DGCR2: variants seen among roughly 807,000 people sequenced by gnomAD.
DGCR2 encodes the protein integral membrane protein DGCR2/IDD.
Under a neutral mutation model 51.6 loss-of-function variants are expected in DGCR2, and 24 were observed. That is an observed-to-expected ratio of 0.47 (90% CI 0.34 to 0.65). The LOEUF (loss-of-function observed/expected upper bound fraction) is 0.65. Among genes scored for constraint, DGCR2 ranks in the 30% least tolerant of loss-of-function variants. The pLI is 0.01. For synonymous variants in DGCR2, 340 were observed against 315.4 expected, an observed-to-expected ratio of 1.08 and a Z score of -0.82; for missense variants, 765 against 772.1, an observed-to-expected ratio of 0.99 and a Z score of 0.11.
rs771454862 is a variant in DGCR2, at chr22:19,068,159, C to A, written c.269G>T (p.Arg90Ile). ...EAVDPRQGRA[R>I]GGDPSHFHAV... The stretch of plus-strand genomic sequence containing the variant: ...GTGGAAGTGCGAAGGGTCGCCTCCT[C>A]TGGCCCGCCCCTGCCGCGGATCCAC... The change falls in exon 3 of 10, where the codon AGA becomes ATA. Residue 90 changes from arginine (R) to isoleucine (I), a missense_variant. Physicochemically the swap from Arg to Ile is moderately conservative, Grantham distance 97 (BLOSUM62 -3). This residue lies in a region of DGCR2 where 370 missense variants were observed against 325.5 expected (regional missense o/e 1.14). Transcript: ENST00000263196. 6.2e-7 allele frequency: 1 copy of A among 1,611,510 alleles called. No individual in the cohort carries two copies. The highest frequency in any genetic ancestry group is 1.1e-5 in the South Asian group (1 of 90,854).
chr22:19,083,205 C>T (rs1156424217), intron 2 of DGCR2, among the ~76,000 whole-genome samples: 1 of 152,190 alleles, frequency 6.6e-6, no homozygotes, highest in East Asian at 1.9e-4. Context: ...GATCCAACTG[C>T]ATCCTTCTCC....
intron 1 of DGCR2, among the ~76,000 whole-genome samples, chr22:19,092,356 A>AC (rs35077413): frequency 0.015 from 2,274 of 151,976 alleles, 14 homozygotes; most frequent in South Asian, 0.033. Flanking sequence ...AAAAAAAAAA[A>AC]TACTACTATC....
intron 1 of DGCR2, among the ~76,000 whole-genome samples, chr22:19,097,447 G>A (rs1434774265): frequency 6.6e-6 from 1 of 152,104 alleles, no homozygotes; most frequent in Non-Finnish European, 1.5e-5. Flanking sequence ...CAGCTACTCT[G>A]GAGGCTGAGG....
rs2082371748 is a variant in DGCR2 at position 19,036,601 on chromosome 22, G to A, written c.*2264C>T. 2 of 152,268 alleles carry A rather than the reference G, an allele frequency of 1.3e-5. No homozygotes were observed. The highest frequency in any genetic ancestry group is 4.8e-5 in the African/African-American group (2 of 41,422). 9.4% of individuals were successfully genotyped at this position (152,268 alleles called of 1,614,324 possible). The stretch of plus-strand genomic sequence containing the variant: ...TGCAAAGGGGGCATTCTGGATGGTG[G>A]TGCAAGAACAGATGAGCGAGTCCAG... On this transcript the variant is annotated 3_prime_UTR_variant, in exon 10 of 10. Transcript: ENST00000263196.
chr22:19,089,468 C>A lies in DGCR2; in HGVS notation c.102G>T (p.Gln34His). Residue 34 changes from glutamine to histidine, a missense_variant, in exon 2 of 10, where the codon CAG becomes CAT. Gln to His is a conservative substitution (Grantham distance 24). Coordinates refer to ENST00000263196, the MANE Select transcript of DGCR2 (RefSeq NM_005137.3). Reference protein sequence around the residue: ...LRPELRCNPGQFACRSGTIQC... With the variant: ...LRPELRCNPGHFACRSGTIQC... ...GGATGGTGCCGCTGCGACACGCAAACTGCCCAGGGTTGCACCGCAGCTCTG... is the reference window on the plus strand; with the variant it reads ...GGATGGTGCCGCTGCGACACGCAAAATGCCCAGGGTTGCACCGCAGCTCTG... 1 of 1,601,868 alleles carries A rather than the reference C, an allele frequency of 6.2e-7. No individual in the cohort carries two copies. The highest frequency in any genetic ancestry group is 8.5e-7 in the Non-Finnish European group (1 of 1,173,312).
At position 19,064,940 on chromosome 22, in the gene DGCR2, G is replaced by A. The variant is rs755776544; in HGVS notation, c.456C>T (p.Leu152=). ...GCTCCTGGTCAGTGGAGAAGGTGGCGAGAGAGCCATTCAGGCGCTGGCAGG... is the reference window on the plus strand; with the variant it reads ...GCTCCTGGTCAGTGGAGAAGGTGGCAAGAGAGCCATTCAGGCGCTGGCAGG... ...AQTCQRLNGS[L]ATFSTDQELR... The change falls in exon 4 of 10, where the codon CTC becomes CTT. Residue 152 remains leucine, a synonymous_variant. Coordinates refer to ENST00000263196, the MANE Select transcript of DGCR2 (RefSeq NM_005137.3). The A allele has an allele frequency of 7.4e-5, 120 of 1,613,880 alleles. No homozygotes were observed. Among genetic ancestry groups the A allele is most frequent in the Admixed American group, 1.3e-4 (8 of 60,014 alleles).
chr22:19,040,936 C>T (rs1359968529), intron 9 of DGCR2, 122 bp downstream of exon 9: 2 of 936,184 alleles, frequency 2.1e-6, no homozygotes, highest in African/African-American at 1.7e-5. Context: ...AAGGAAAAAC[C>T]AAAGACAAAG....
chr22:19,047,172 T>C (rs1244651435), intron 7 of DGCR2: 1 of 152,442 alleles, frequency 6.6e-6, no homozygotes, highest in African/African-American at 2.4e-5. Context: ...CTGGGTCCTC[T>C]GGTGGGCTTG....
intron 1 of DGCR2, among the ~76,000 whole-genome samples, chr22:19,116,977 C>T (rs2083379894): frequency 6.6e-6 from 1 of 150,724 alleles, no homozygotes; most frequent in African/African-American, 2.4e-5. Flanking sequence ...CACCTCCCAT[C>T]ACTGCTAAGA....
intron 2 of DGCR2, among the ~76,000 whole-genome samples, chr22:19,083,019 G>A (rs117621601): frequency 0.02 from 3,084 of 151,660 alleles, 50 homozygotes; most frequent in Non-Finnish European, 0.031. Context: ...CCCAGGAGGC[G>A]GAGGTTGCAG....
intron 7 of DGCR2, among the ~76,000 whole-genome samples, chr22:19,045,951 C>T (rs2082484857): frequency 6.6e-6 from 1 of 152,164 alleles, no homozygotes; most frequent in South Asian, 2.1e-4. Context: ...TGGTCACAAA[C>T]TCCTGATCTC....
intron 1 of DGCR2, among the ~76,000 whole-genome samples, chr22:19,111,338 C>G (rs1448859700): frequency 6.6e-6 from 1 of 152,178 alleles, no homozygotes; most frequent in Non-Finnish European, 1.5e-5. Flanking sequence ...AAAAGGTGCC[C>G]GGTTCTTAGG....
intron 6 of DGCR2, among the ~76,000 whole-genome samples, chr22:19,053,265 C>A (rs1286430577): frequency 6.6e-6 from 1 of 152,158 alleles, no homozygotes; most frequent in East Asian, 1.9e-4. Flanking sequence ...GGCTCAGATA[C>A]AGTTAGAACA....
chr22:19,058,407 C>T (rs552352957), intron 5 of DGCR2, among the ~76,000 whole-genome samples: 35 of 152,294 alleles, frequency 2.3e-4, no homozygotes, highest in African/African-American at 6.5e-4. Flanking sequence ...GTCACCTCCC[C>T]ATACCACCTG....
chr22:19,093,573 T>C (rs191628167), intron 1 of DGCR2, among the ~76,000 whole-genome samples: 50 of 152,310 alleles, frequency 3.3e-4, no homozygotes, highest in African/African-American at 1.1e-3. Flanking sequence ...AAAGACATGT[T>C]AAGATAATGC....
intron 7 of DGCR2, among the ~76,000 whole-genome samples, chr22:19,043,767 C>G (rs1053114001): frequency 6.6e-6 from 1 of 152,154 alleles, no homozygotes; most frequent in African/African-American, 2.4e-5. Context: ...TTCCCAGAGC[C>G]CTCAAGCCAT....
chr22:19,102,663 C>T (rs1392337266), intron 1 of DGCR2, among the ~76,000 whole-genome samples: 1 of 151,176 alleles, frequency 6.6e-6, no homozygotes, highest in East Asian at 2.0e-4. Context: ...GACTGCACCA[C>T]TGTACTCCAG....
chr22:19,039,868 A>T (rs1322837858), intron 9 of DGCR2, among the ~76,000 whole-genome samples: 1 of 151,468 alleles, frequency 6.6e-6, no homozygotes, highest in African/African-American at 2.4e-5. Flanking sequence ...TGTGCCCACT[A>T]TGCACGGCTA....
chr22:19,122,299 A>G lies in DGCR2; in HGVS notation c.-93T>C, dbSNP rs11550627. 0.43 allele frequency: 474,255 copies of G among 1,102,164 alleles called. 104,037 individuals carry two copies. The highest frequency in any genetic ancestry group is 0.59 in the African/African-American group (35,216 of 60,182). The allele number at this position is 1,102,164 out of a possible 1,614,324, so 68.3% of individuals were successfully genotyped here. A position where few individuals can be genotyped will look rare whatever the true frequency, so the allele number is the denominator to read the frequency against. On this transcript the variant is annotated 5_prime_UTR_variant, in exon 1 of 10. Transcript: ENST00000263196. Reference sequence around the variant, plus strand: ...CCGTGCCAAGCGGAGGGTCAGGCGGAGCTGAACCTGGGCGAGGCGCGGAGA... The same window carrying G: ...CCGTGCCAAGCGGAGGGTCAGGCGGGGCTGAACCTGGGCGAGGCGCGGAGA...
Sources: gnomAD v4.1 joint callset for allele counts (sites outside exome capture counted in the v4.1 genomes callset) on GRCh38, gnomAD v4.1.1 for gene constraint, gnomAD v4.1.1 regional missense constraint, MANE v1.5 for transcripts, NCBI Gene and HGNC (gene_info 2026-07-23, HGNC 2026-07-21) for gene names.